The following CDKL1 variants were observed in gnomAD, a reference collection of about 807,000 sequenced individuals.
CDKL1 encodes the protein cyclin dependent kinase like 1.
CDKL1 carries 41 observed loss-of-function variants against 42.0 expected under a neutral mutation model. The observed-to-expected ratio is 0.98, with a 90% CI of 0.76 to 1.27. CDKL1 has a LOEUF of 1.27. Ranked by LOEUF, CDKL1 falls within the 50% of genes most tolerant of loss-of-function variation. The pLI, the probability that CDKL1 is intolerant of heterozygous loss-of-function variation, is 0.00. For synonymous variants in CDKL1, 153 were observed against 158.6 expected (o/e 0.96, Z 0.26); for missense variants, 394 against 428.4 (o/e 0.92, Z 0.71).
Position 50,392,452 on chromosome 14 carries a change from AAATAATAATAATAATAAT to A in CDKL1, c.168+3231_168+3248del, listed in dbSNP as rs56882058. Among the ~76,000 whole-genome samples, 4 of 134,496 alleles carry A rather than the reference AAATAATAATAATAATAAT, an allele frequency of 3.0e-5. No individual in the cohort carries two copies. The East Asian group carries it at 6.2e-4, about 21-fold the overall frequency. 88.2% of individuals were successfully genotyped at this position (134,496 alleles called of 152,430 possible). ...CAGAGTGAGACTGTCTCCAAAAAAG[AAATAATAATAATAATAAT>A]AATAATAATAATAATAATAATGAAA... On this transcript the variant is annotated intron_variant, in intron 2 of 9. Coordinates refer to ENST00000395834, the MANE Select transcript of CDKL1 (RefSeq NM_004196.7).
chr14:50,337,094 C>T (rs942035970), intron 7 of CDKL1, among the ~76,000 whole-genome samples: 5 of 151,978 alleles, frequency 3.3e-5, no homozygotes, highest in African/African-American at 1.2e-4. Flanking sequence ...CTGCAACCTC[C>T]ACCTCCCAAG....
chr14:50,396,952 G>C (rs1267027414), upstream of CDKL1: 2 of 533,948 alleles, frequency 3.7e-6, no homozygotes, highest in Non-Finnish European at 5.4e-6. Flanking sequence ...GGGCGGGGCC[G>C]CCGCGCCCCA....
intron 2 of CDKL1, chr14:50,377,428 C>T (rs1369262137): frequency 9.1e-6 from 3 of 329,046 alleles, no homozygotes; most frequent in South Asian, 7.0e-5. Flanking sequence ...TTGTTTTCTC[C>T]CCTGTCACCT....
intron 3 of CDKL1, among the ~76,000 whole-genome samples, chr14:50,349,912 G>A (rs1366776633): frequency 6.6e-6 from 1 of 152,134 alleles, no homozygotes; most frequent in African/African-American, 2.4e-5. Flanking sequence ...GGGATTACAG[G>A]CACACACCAC....
intron 2 of CDKL1, among the ~76,000 whole-genome samples, chr14:50,382,473 A>G (rs2034942032): frequency 6.6e-6 from 1 of 152,122 alleles, no homozygotes; most frequent in South Asian, 2.1e-4. Context: ...TTTTTTTTCA[A>G]AAATTTAAAG....
intron 8 of CDKL1, 187 bp from the exon 9 acceptor site, chr14:50,332,619 AT>A: frequency 6.6e-7 from 1 of 1,505,784 alleles, no homozygotes. Context: ...TATTAAATAA[AT>A]AGTTTCTAGA....
At chr14:50,362,254 C>G (rs2034282792) in intron 2 of CDKL1, 4 of 377,964 alleles carry the variant, frequency 1.1e-5, no homozygotes, top group African/African-American at 2.2e-5. Context: ...CCGGTCCCAT[C>G]GACCACCCAA....
At chr14:50,343,133 T>A (rs2033608485) in intron 4 of CDKL1, 90 of 621,902 alleles carry the variant, frequency 1.4e-4, no homozygotes, top group Non-Finnish European at 1.9e-4. Flanking sequence ...AAAGAACAAA[T>A]CAACAACCTA....
intron 4 of CDKL1, chr14:50,342,756 A>G: frequency 1.6e-6 from 1 of 636,312 alleles, no homozygotes; most frequent in Non-Finnish European, 2.2e-6. Flanking sequence ...TGTGAACAGA[A>G]CACAGTCAGC....
chr14:50,347,057 T>A (rs2033751668), intron 3 of CDKL1, among the ~76,000 whole-genome samples: 1 of 152,210 alleles, frequency 6.6e-6, no homozygotes, highest in Admixed American at 6.5e-5. Context: ...AAATTATAGT[T>A]GCATATCATT....
chr14:50,350,950 G>A (rs2033883595), intron 3 of CDKL1, among the ~76,000 whole-genome samples: 1 of 152,122 alleles, frequency 6.6e-6, no homozygotes, highest in South Asian at 2.1e-4. Flanking sequence ...GGGAAGATGT[G>A]GAGAATGGGC....
chr14:50,389,248 TTAC>T (rs1286661066), intron 2 of CDKL1, among the ~76,000 whole-genome samples: 3 of 151,984 alleles, frequency 2.0e-5, no homozygotes, highest in Non-Finnish European at 4.4e-5. Flanking sequence ...ATTCTGCAGG[TTAC>T]TATTCACGAT....
chr14:50,396,121 G>T lies in CDKL1; in HGVS notation c.-253C>A. On this transcript the variant is annotated 5_prime_UTR_variant, in exon 2 of 10. The change creates a new upstream start codon in the 5' untranslated region. Coordinates refer to ENST00000395834, the MANE Select transcript of CDKL1 (RefSeq NM_004196.7). ...GAATCGCGTGAACCTGGGAGGCGCA[G>T]GTTGCAGTGAGCCGAGATCGCGCCA... The T allele has an allele frequency of 9.1e-7, 1 of 1,094,804 alleles. No individual in the cohort carries two copies. 67.8% of individuals were successfully genotyped at this position (1,094,804 alleles called of 1,614,324 possible). A position where few individuals can be genotyped will look rare whatever the true frequency, so the allele number is the denominator to read the frequency against.
intron 7 of CDKL1, chr14:50,335,651 T>C (rs1334757468): frequency 6.6e-7 from 1 of 1,512,030 alleles, no homozygotes; most frequent in Non-Finnish European, 8.8e-7. Flanking sequence ...GCAGAGAGGC[T>C]GAGAAAATAA....
chr14:50,362,286 C>T (rs763253740), intron 2 of CDKL1: 13 of 363,426 alleles, frequency 3.6e-5, no homozygotes, highest in South Asian at 7.9e-5. Flanking sequence ...TGCGGGCGCA[C>T]GGCATGGGAC....
In CDKL1 at chr14:50,327,267, C is replaced by T. The variant is rs1276328166; in HGVS notation, c.*2807G>A. ...GGAGGATCAGTTGAGCCCGGGAAGT[C>T]GAGGCTGCAGTGAGCCATGTTGGCA... On this transcript the variant is annotated 3_prime_UTR_variant, in exon 10 of 10. Coordinates refer to ENST00000395834, the MANE Select transcript of CDKL1 (RefSeq NM_004196.7). The T allele has an allele frequency of 2.7e-5, 4 of 149,074 alleles. No homozygotes were observed. The highest frequency in any genetic ancestry group is 6.7e-5 in the Admixed American group (1 of 14,860). 9.2% of individuals were successfully genotyped at this position (149,074 alleles called of 1,614,324 possible). A position where few individuals can be genotyped will look rare whatever the true frequency, so the allele number is the denominator to read the frequency against.
intron 3 of CDKL1, chr14:50,357,893 C>T (rs1340614619): frequency 2.3e-6 from 1 of 433,260 alleles, no homozygotes; most frequent in East Asian, 6.2e-5. Flanking sequence ...ATAAGGGAAG[C>T]TTATTTGCAA....
At position 50,396,433 on chromosome 14, in the gene CDKL1, G is replaced by A. The variant is rs539462459; in HGVS notation, c.-461-104C>T. 151 of 985,474 alleles carry A rather than the reference G, an allele frequency of 1.5e-4. No homozygotes were observed. In the African/African-American group the frequency reaches 2.5e-3, roughly 16 times the overall value. 61.0% of individuals were successfully genotyped at this position (985,474 alleles called of 1,614,324 possible). ...TAGAGTTAGCTGCCTCCAGTAACCC[G>A]ATTTTAATCGCCCGTTAAATACCCT... On this transcript the variant is annotated intron_variant, in intron 1 of 9. Coordinates refer to ENST00000395834, the MANE Select transcript of CDKL1 (RefSeq NM_004196.7).
chr14:50,361,978 C>T lies in CDKL1; in HGVS notation c.169-2829G>A, dbSNP rs370357360. 6.4e-4 allele frequency among the ~76,000 whole-genome samples: 98 copies of T among 152,308 alleles called. 1 individual carries two copies. The East Asian group carries it at 0.017, about 27-fold the overall frequency. ...AGGGAGAGGCGCAGGCGGGAACCGGCGAGTTCCGGGTGGGCATGGGCTTGG... is the reference window on the plus strand; with the variant it reads ...AGGGAGAGGCGCAGGCGGGAACCGGTGAGTTCCGGGTGGGCATGGGCTTGG... On this transcript the variant is annotated intron_variant, in intron 2 of 9. Coordinates refer to ENST00000395834, the MANE Select transcript of CDKL1 (RefSeq NM_004196.7).
Sources: gnomAD v4.1 joint callset for allele counts (sites outside exome capture counted in the v4.1 genomes callset) on GRCh38, gnomAD v4.1.1 for gene constraint, MANE v1.5 for transcripts, NCBI Gene and HGNC (gene_info 2026-07-23, HGNC 2026-07-21) for gene names.